Variants in ALMS1 observed in about 807,000 individuals in gnomAD.
ALMS1 encodes centrosome-associated protein ALMS1.
Under a neutral mutation model 352.2 loss-of-function variants are expected in ALMS1, and 271 were observed. That is an observed-to-expected ratio of 0.77 (90% confidence interval 0.70 to 0.85). The LOEUF is 0.85. Ranked by LOEUF, ALMS1 falls within the 40% of genes least tolerant of loss-of-function variation. The pLI is 0.00. For synonymous variants in ALMS1, 1,865 were observed against 1,761.2 expected (o/e 1.06, Z -1.48); for missense variants, 5,445 against 4,870.7 (o/e 1.12, Z -3.51).
intron 5 of ALMS1, among the ~76,000 whole-genome samples, chr2:73,426,102 T>C (rs1377630095): frequency 2.0e-5 from 3 of 152,222 alleles, no homozygotes; most frequent in Non-Finnish European, 2.9e-5. Flanking sequence ...ATGTTATTTA[T>C]CATGTGAAAG....
At chr2:73,402,677 A>T (rs1388559977) in intron 1 of ALMS1, among the ~76,000 whole-genome samples, 1 of 152,152 alleles carries the variant, frequency 6.6e-6, no homozygotes, top group Non-Finnish European at 1.5e-5. Flanking sequence ...CCTTGCCAAC[A>T]CTTATCTCTT....
rs1017998170 is a variant in ALMS1 at position 73,587,005 on chromosome 2, TTG to T, written c.11548-12394_11548-12393del. Among the ~76,000 whole-genome samples the T allele has an allele frequency of 2.8e-4, 33 of 116,374 alleles. No homozygotes were observed. In the East Asian group the frequency reaches 3.5e-3, roughly 12 times the overall value. The allele number at this position is 116,374 out of a possible 152,430, so 76.3% of individuals were successfully genotyped here. On this transcript the variant is annotated intron_variant, in intron 16 of 22. Coordinates refer to ENST00000613296, the MANE Select transcript of ALMS1 (RefSeq NM_001378454.1). ...TATTCCTAAGGTTTTGTGTTTTTTT[TTG>T]TTTGTTTGTTTATTTGTTTGTTTTG...
rs78092268 is a variant in ALMS1, at chr2:73,444,342, C to CCAGTTATAACTGAATTCTTCTTTAA, written c.1433-3615_1433-3614insTTATAACTGAATTCTTCTTTAACAG. 7.3e-3 allele frequency among the ~76,000 whole-genome samples: 1,109 copies of CCAGTTATAACTGAATTCTTCTTTAA among 152,192 alleles called. 8 individuals carry two copies. Among genetic ancestry groups the CCAGTTATAACTGAATTCTTCTTTAA allele is most frequent in the Non-Finnish European group, 9.5e-3 (648 of 68,004 alleles). On this transcript the variant is annotated intron_variant, in intron 7 of 22. Transcript: ENST00000613296. The stretch of plus-strand genomic sequence containing the variant: ...TTACTATGACCAGGTTATAACTTTC[C>CCAGTTATAACTGAATTCTTCTTTAA]CAGGGTTATTCTGTTAGGAAATAGT...
chr2:73,511,196 G>A (rs1253397036), intron 10 of ALMS1, among the ~76,000 whole-genome samples: 5 of 151,884 alleles, frequency 3.3e-5, no homozygotes, highest in Admixed American at 3.3e-4. Flanking sequence ...AGGAGTGAAC[G>A]GTTCTGTCTT....
intron 12 of ALMS1, among the ~76,000 whole-genome samples, chr2:73,538,129 A>G (rs942404793): frequency 6.6e-6 from 1 of 152,238 alleles, no homozygotes; most frequent in Non-Finnish European, 1.5e-5. Context: ...CTCACAGCAT[A>G]GGAGAAAATA....
intron 16 of ALMS1, among the ~76,000 whole-genome samples, chr2:73,577,477 T>G (rs528735316): frequency 6.6e-6 from 1 of 152,204 alleles, no homozygotes; most frequent in Non-Finnish European, 1.5e-5. Context: ...ATGTTTTTTT[T>G]TCTTCTCATT....
intron 9 of ALMS1, among the ~76,000 whole-genome samples, chr2:73,461,593 A>G (rs1329511648): frequency 6.6e-6 from 1 of 152,222 alleles, no homozygotes; most frequent in Non-Finnish European, 1.5e-5. Flanking sequence ...GCAACGGAAC[A>G]AAGCTGGATG....
At chr2:73,570,195 G>C (rs1047484177) in intron 15 of ALMS1, among the ~76,000 whole-genome samples, 29 of 152,218 alleles carry the variant, frequency 1.9e-4, no homozygotes, top group Non-Finnish European at 1.5e-5. Context: ...GGAAGGTACA[G>C]TTGTCAAGGA....
chr2:73,512,764 C>T (rs1375117433), intron 10 of ALMS1, among the ~76,000 whole-genome samples: 1 of 151,972 alleles, frequency 6.6e-6, no homozygotes, highest in Non-Finnish European at 1.5e-5. Context: ...TTTGTATGTC[C>T]CCGTCATCTT....
At chr2:73,403,499 A>T (rs1231825030) in intron 1 of ALMS1, among the ~76,000 whole-genome samples, 1 of 152,110 alleles carries the variant, frequency 6.6e-6, no homozygotes, top group South Asian at 2.1e-4. Context: ...TTACAGAATT[A>T]CTTTGGCTCT....
rs1671897487 is a variant in ALMS1 at position 73,450,034 on chromosome 2, G to A, written c.3507G>A (p.Gln1169=). ...GTACTCATATACCTGAAGAGGCTCA[G>A]AAAGTTTCAGCTGTTACTGGACCAG... ...LPGTHIPEEA[Q]KVSAVTGPGN... is the part of the protein sequence containing the mutation. Residue 1169 remains glutamine (Q), a synonymous_variant, in exon 8 of 23, where the codon CAG becomes CAA. Coordinates refer to ENST00000613296, the MANE Select transcript of ALMS1 (RefSeq NM_001378454.1). 1 of 1,613,942 alleles carries A rather than the reference G, an allele frequency of 6.2e-7. No homozygotes were observed. The highest frequency in any genetic ancestry group is 8.5e-7 in the Non-Finnish European group (1 of 1,179,942).
intron 12 of ALMS1, among the ~76,000 whole-genome samples, chr2:73,539,822 A>G (rs954278636): frequency 6.6e-6 from 1 of 152,198 alleles, no homozygotes; most frequent in African/African-American, 2.4e-5. Flanking sequence ...AGAAGTTTAG[A>G]GAAAAAAGAA....
intron 11 of ALMS1, among the ~76,000 whole-genome samples, chr2:73,527,495 G>A (rs538275218): frequency 3.9e-5 from 6 of 151,940 alleles, no homozygotes; most frequent in Non-Finnish European, 5.9e-5. Flanking sequence ...TGGTTGATAG[G>A]TTGTATGTTT....
Position 73,452,601 on chromosome 2 carries a change from C to A in ALMS1, c.6074C>A (p.Pro2025His). The change falls in exon 8 of 23, where the codon CCC (proline) becomes CAC (histidine). Residue 2025 changes from proline (P) to histidine (H), a missense_variant. By Grantham distance (77) the Pro-to-His change is moderately conservative (BLOSUM62 -2). Coordinates refer to ENST00000613296, the MANE Select transcript of ALMS1 (RefSeq NM_001378454.1). ...AGTTCCTACTCACAAATAGAGAAGCCCAAGATTTCAACTGTGATTGGACCA... is the reference window on the plus strand; with the variant it reads ...AGTTCCTACTCACAAATAGAGAAGCACAAGATTTCAACTGTGATTGGACCA... ...TLSSYSQIEKPKISTVIGPND... is the reference protein window; with the variant it reads ...TLSSYSQIEKHKISTVIGPND... 1 of 1,614,012 alleles carries A rather than the reference C, an allele frequency of 6.2e-7. No individual in the cohort carries two copies. The highest frequency in any genetic ancestry group is 8.5e-7 in the Non-Finnish European group (1 of 1,179,980).
chr2:73,424,342 C>T (rs1389775724), intron 4 of ALMS1, 88 bp from the exon 5 acceptor site: 9 of 833,710 alleles, frequency 1.1e-5, no homozygotes, highest in Middle Eastern at 3.8e-4. Flanking sequence ...AACTTGATTT[C>T]AGTGACATAT....
Position 73,385,991 on chromosome 2 carries a change from G to C in ALMS1, c.123G>C (p.Val41=), listed in dbSNP as rs1233161159. Residue 41 remains valine (V), a synonymous_variant, in exon 1 of 23, where the codon GTG becomes GTC. Coordinates refer to ENST00000613296, the MANE Select transcript of ALMS1 (RefSeq NM_001378454.1). ...CGGCGGCGAACGTGGACGACGTAGTGGTCGTGGAGGAGGTGGAGGAAGAGG... is the reference window on the plus strand; with the variant it reads ...CGGCGGCGAACGTGGACGACGTAGTCGTCGTGGAGGAGGTGGAGGAAGAGG... ...AAAAANVDDV[V]VVEEVEEEAG... 29 of 1,552,214 alleles carry C rather than the reference G, an allele frequency of 1.9e-5. No homozygotes were observed. The highest frequency in any genetic ancestry group is 2.4e-5 in the Non-Finnish European group (28 of 1,147,726).
At chr2:73,439,765 T>G (rs1399458841) in intron 7 of ALMS1, among the ~76,000 whole-genome samples, 1 of 152,096 alleles carries the variant, frequency 6.6e-6, no homozygotes. Context: ...GGTCTGCATC[T>G]CTTGACCTTG....
At position 73,471,603 on chromosome 2, in the gene ALMS1, AT is replaced by A. The variant is rs545776384; in HGVS notation, c.7674+16309del. Among the ~76,000 whole-genome samples the A allele has an allele frequency of 1.1e-3, 172 of 152,048 alleles. 1 individual carries two copies. The highest frequency in any genetic ancestry group is 3.5e-3 in the African/African-American group (145 of 41,532). On this transcript the variant is annotated intron_variant, in intron 9 of 22. Coordinates refer to ENST00000613296, the MANE Select transcript of ALMS1 (RefSeq NM_001378454.1). ...GACATACAAATGTGTAAGGTGCTGT[AT>A]ATGAAAAGATATTCAATATCGCTAA...
At chr2:73,562,348 A>G (rs1009557980) in intron 15 of ALMS1, among the ~76,000 whole-genome samples, 3 of 152,108 alleles carry the variant, frequency 2.0e-5, no homozygotes, top group African/African-American at 7.2e-5. Context: ...GTAATTTAAA[A>G]GGACGTACCA....
Sources: gnomAD v4.1 joint callset for allele counts (sites outside exome capture counted in the v4.1 genomes callset) on GRCh38, gnomAD v4.1.1 for gene constraint, MANE v1.5 for transcripts, NCBI Gene and HGNC (gene_info 2026-07-23, HGNC 2026-07-21) for gene names.